Variants in ROR1 observed in about 807,000 individuals in gnomAD.
ROR1 encodes inactive tyrosine-protein kinase transmembrane receptor ROR1.
ROR1 carries 19 observed loss-of-function variants against 78.8 expected under a neutral mutation model. That is an observed-to-expected ratio of 0.24 (90% CI 0.17 to 0.35). ROR1 has a LOEUF of 0.35. ROR1 is among the 10% of genes least tolerant of loss of function. ROR1 has a pLI of 1.00. For missense variants in ROR1, 917 were observed against 1,177.8 expected (o/e 0.78, Z 3.24); for synonymous variants, 386 against 433.6 (o/e 0.89, Z 1.36).
chr1:63,788,925 A>G (rs941754620), intron 1 of ROR1: 4 of 836,188 alleles, frequency 4.8e-6, no homozygotes, highest in Non-Finnish European at 7.9e-6. Context: ...GTTCCCCTTA[A>G]CCTTCAGGTA....
intron 1 of ROR1, among the ~76,000 whole-genome samples, chr1:63,863,596 T>C (rs1645195745): frequency 6.6e-6 from 1 of 152,218 alleles, no homozygotes; most frequent in South Asian, 2.1e-4. Flanking sequence ...TGAAGGAAAG[T>C]GATTAATTCA....
At chr1:63,809,833 G>A (rs1232675860) in intron 1 of ROR1, among the ~76,000 whole-genome samples, 3 of 152,138 alleles carry the variant, frequency 2.0e-5, no homozygotes, top group African/African-American at 7.2e-5. Context: ...AACATTTTAG[G>A]TTTTGGATTT....
intron 1 of ROR1, among the ~76,000 whole-genome samples, chr1:63,960,627 G>A (rs867943975): frequency 1.3e-5 from 2 of 152,150 alleles, no homozygotes; most frequent in South Asian, 2.1e-4. Flanking sequence ...GTGTCATGCC[G>A]GACTTTGCTT....
intron 1 of ROR1, among the ~76,000 whole-genome samples, chr1:63,972,478 GT>G (rs1278122117): frequency 6.6e-6 from 1 of 152,080 alleles, no homozygotes; most frequent in Admixed American, 6.6e-5. Context: ...GCTCAGTAAG[GT>G]TTTTTTATTT....
chr1:63,872,147 A>G (rs1260015303), intron 1 of ROR1, among the ~76,000 whole-genome samples: 5 of 152,240 alleles, frequency 3.3e-5, no homozygotes, highest in African/African-American at 1.2e-4. Context: ...GAAGAAATTC[A>G]TATTTTATGC....
At chr1:64,032,562 G>A (rs1442223799) in intron 2 of ROR1, among the ~76,000 whole-genome samples, 2 of 152,134 alleles carry the variant, frequency 1.3e-5, no homozygotes, top group Non-Finnish European at 2.9e-5. Context: ...AATATCAAGA[G>A]TACTTTGTGG....
intron 8 of ROR1, among the ~76,000 whole-genome samples, chr1:64,162,269 C>T (rs1649967247): frequency 6.6e-6 from 1 of 152,194 alleles, no homozygotes; most frequent in African/African-American, 2.4e-5. Flanking sequence ...CATCTCTCTT[C>T]ACTTGCTGAG....
chr1:63,840,446 A>AT (rs1354290133), intron 1 of ROR1, among the ~76,000 whole-genome samples: 8 of 151,162 alleles, frequency 5.3e-5, no homozygotes, highest in African/African-American at 1.7e-4. Flanking sequence ...CGCCTAGCTA[A>AT]TTTTTTTGTA....
At chr1:63,825,673 C>T (rs1276546174) in intron 1 of ROR1, among the ~76,000 whole-genome samples, 1 of 152,054 alleles carries the variant, frequency 6.6e-6, no homozygotes, top group African/African-American at 2.4e-5. Context: ...TGAATTATAC[C>T]TAAATATAAC....
chr1:63,989,170 T>C (rs909712344), intron 1 of ROR1, among the ~76,000 whole-genome samples: 3 of 150,372 alleles, frequency 2.0e-5, no homozygotes, highest in African/African-American at 7.4e-5. Flanking sequence ...CTGTTTTTGT[T>C]TTTTTTTTTT....
At chr1:63,977,125 C>G (rs1034564364) in intron 1 of ROR1, among the ~76,000 whole-genome samples, 1 of 152,086 alleles carries the variant, frequency 6.6e-6, no homozygotes, top group Non-Finnish European at 1.5e-5. Context: ...CTCACTATCA[C>G]GAGAACAGCA....
chr1:64,123,476 C>T (rs1230262764), intron 4 of ROR1, among the ~76,000 whole-genome samples: 1 of 152,180 alleles, frequency 6.6e-6, no homozygotes, highest in African/African-American at 2.4e-5. Flanking sequence ...ATTTTTGCCA[C>T]TTAACTAGCT....
chr1:64,028,047 G>C (rs1646628596), intron 2 of ROR1, among the ~76,000 whole-genome samples: 2 of 152,142 alleles, frequency 1.3e-5, no homozygotes, highest in Admixed American at 6.6e-5. Flanking sequence ...TGTAGACAGA[G>C]CCTCTATCAT....
chr1:64,138,745 A>G (rs1466977476), intron 5 of ROR1, among the ~76,000 whole-genome samples: 1 of 152,114 alleles, frequency 6.6e-6, no homozygotes, highest in Non-Finnish European at 1.5e-5. Flanking sequence ...CCTCATTTCA[A>G]CAGGAAGAGA....
chr1:64,165,748 A>G (rs1413951016), intron 8 of ROR1, among the ~76,000 whole-genome samples: 2 of 125,700 alleles, frequency 1.6e-5, no homozygotes, highest in Non-Finnish European at 1.6e-5. Context: ...TTTGTCACCC[A>G]GGCTGAAGTG....
intron 1 of ROR1, among the ~76,000 whole-genome samples, chr1:63,782,345 AC>A (rs1193181649): frequency 6.6e-6 from 1 of 152,050 alleles, no homozygotes; most frequent in Non-Finnish European, 1.5e-5. Flanking sequence ...TGTAGGCTTG[AC>A]CCATAAAAAA....
intron 2 of ROR1, among the ~76,000 whole-genome samples, chr1:64,034,958 G>C (rs1381553933): frequency 2.0e-5 from 3 of 152,170 alleles, no homozygotes; most frequent in African/African-American, 7.2e-5. Flanking sequence ...AGCTTGACCT[G>C]ATTCTCTTGC....
intron 4 of ROR1, among the ~76,000 whole-genome samples, chr1:64,070,188 G>A (rs566119469): frequency 6.6e-6 from 1 of 152,318 alleles, no homozygotes; most frequent in Admixed American, 6.5e-5. Flanking sequence ...TTAGCATAAT[G>A]TGTTCAAGGT....
chr1:64,004,341 G>C (rs1482384062), intron 1 of ROR1, among the ~76,000 whole-genome samples: 1 of 152,218 alleles, frequency 6.6e-6, no homozygotes, highest in Non-Finnish European at 1.5e-5. Flanking sequence ...GGAGGGTCTA[G>C]AGCCTGTACT....
Sources: allele counts gnomAD v4.1 joint callset (sites outside exome capture counted in the v4.1 genomes callset), GRCh38; gene constraint gnomAD v4.1.1; transcripts MANE v1.5; gene names NCBI Gene and HGNC (gene_info 2026-07-23, HGNC 2026-07-21).